The following CUBN variants were observed in gnomAD, a reference collection of about 807,000 sequenced individuals.
CUBN encodes cubilin.
A neutral mutation model predicts 405.3 loss-of-function variants in CUBN; 282 were observed. The ratio of observed to expected loss-of-function variants is 0.70; its 90% CI spans 0.63 to 0.77. The LOEUF (loss-of-function observed/expected upper bound fraction) is 0.77, where lower values mean the gene tolerates loss of function less well. Among genes scored for constraint, CUBN ranks in the 30% least tolerant of loss-of-function variants. CUBN has a pLI of 0.00. For missense variants in CUBN, 4,514 were observed against 4,475.2 expected, an observed-to-expected ratio of 1.01 and a Z score of -0.25; for synonymous variants, 1,684 against 1,617.0, an observed-to-expected ratio of 1.04 and a Z score of -0.99.
At chr10:16,932,995 A>C in intron 40 of CUBN, 92 bp downstream of exon 40, 1 of 1,338,664 alleles carries the variant, frequency 7.5e-7, no homozygotes, top group Middle Eastern at 1.9e-4. Flanking sequence ...TCCAAACCAA[A>C]CGGATGGAGG....
At chr10:17,084,510 G>A in intron 16 of CUBN, 49 bp from the exon 17 acceptor site, 2 of 1,535,350 alleles carry the variant, frequency 1.3e-6, no homozygotes, top group Non-Finnish European at 1.8e-6. Flanking sequence ...CATTGCTCTG[G>A]CTTGCAGGCA....
chr10:16,850,816 A>T (rs1201713334), intron 60 of CUBN, among the ~76,000 whole-genome samples: 1 of 152,188 alleles, frequency 6.6e-6, no homozygotes, highest in Non-Finnish European at 1.5e-5. Flanking sequence ...TTAATATCTA[A>T]ACATAATGTG....
In CUBN at chr10:16,901,852, C is replaced by CA. The variant is rs966831688; in HGVS notation, c.8063-394dup. ...AGGGTGACAGAACAAGACTCTATCT[C>CA]AAAAAAAAACCATATTATATATATA... On this transcript the variant is annotated intron_variant, in intron 51 of 66. Coordinates refer to ENST00000377833, the MANE Select transcript of CUBN (RefSeq NM_001081.4). 3.0e-4 allele frequency among the ~76,000 whole-genome samples: 39 copies of CA among 128,766 alleles called. No homozygotes were observed. The East Asian group carries it at 6.9e-3, about 23-fold the overall frequency. The allele number at this position is 128,766 out of a possible 152,430, so 84.5% of individuals were successfully genotyped here.
intron 40 of CUBN, among the ~76,000 whole-genome samples, chr10:16,930,415 G>C (rs1256759058): frequency 6.6e-6 from 1 of 152,216 alleles, no homozygotes; most frequent in Non-Finnish European, 1.5e-5. Context: ...CAAGGGCATA[G>C]AGATAGAAGT....
intron 19 of CUBN, among the ~76,000 whole-genome samples, chr10:17,069,487 C>A (rs1250816657): frequency 6.6e-6 from 1 of 152,078 alleles, no homozygotes; most frequent in East Asian, 1.9e-4. Context: ...CATCCTTGTC[C>A]ACACCATTAT....
At chr10:16,856,991 TATA>T (rs1564388704) in intron 59 of CUBN, among the ~76,000 whole-genome samples, 1 of 152,226 alleles carries the variant, frequency 6.6e-6, no homozygotes, top group East Asian at 1.9e-4. Context: ...TACTGTAATT[TATA>T]AAGCTGCAGA....
intron 6 of CUBN, among the ~76,000 whole-genome samples, chr10:17,116,037 T>G (rs571136745): frequency 1.3e-5 from 2 of 152,334 alleles, no homozygotes; most frequent in East Asian, 3.9e-4. Flanking sequence ...TAGGATTATA[T>G]AACCCCACAC....
Position 16,831,248 on chromosome 10 carries a change from T to TG in CUBN, c.10528+3_10528+4insC. 6.2e-7 allele frequency: 1 copy of TG among 1,613,936 alleles called. No individual in the cohort carries two copies. Among genetic ancestry groups the TG allele is most frequent in the Non-Finnish European group, 8.5e-7 (1 of 1,179,796 alleles). On this transcript the variant is annotated splice_donor_region_variant and intron_variant, in intron 65 of 66. Transcript: ENST00000377833. Reference sequence around the variant, plus strand: ...CTTTCCTGTACAAAGTGCAAATGTCTTACCAGAGGGTGATGAAGTCCAGAT... The same window carrying TG: ...CTTTCCTGTACAAAGTGCAAATGTCTGTACCAGAGGGTGATGAAGTCCAGAT...
At chr10:16,966,107 G>C (rs1843384175) in intron 31 of CUBN, 1 of 415,596 alleles carries the variant, frequency 2.4e-6, no homozygotes, top group Non-Finnish European at 4.9e-6. Flanking sequence ...AATAGGGTGG[G>C]AGTCCCCCAT....
chr10:17,102,595 CTTTTTTTT>C (rs11357524), intron 13 of CUBN, among the ~76,000 whole-genome samples: 35 of 63,144 alleles, frequency 5.5e-4, no homozygotes, highest in African/African-American at 1.9e-3. Context: ...CCTTGTTACT[CTTTTTTTT>C]TTTTTTTTTT....
At chr10:16,928,935 G>C (rs1043358475) in intron 40 of CUBN, among the ~76,000 whole-genome samples, 4 of 151,704 alleles carry the variant, frequency 2.6e-5, no homozygotes, top group African/African-American at 9.7e-5. Flanking sequence ...ACCCAGTGAT[G>C]ATATGTCTGT....
intron 27 of CUBN, 142 bp from the exon 28 acceptor site, chr10:17,020,125 T>A: frequency 1.2e-6 from 1 of 813,028 alleles, no homozygotes; most frequent in Non-Finnish European, 2.1e-6. Flanking sequence ...TACACAGAAC[T>A]CAACATAAGA....
At chr10:17,122,452 C>A (rs1837064721) in intron 6 of CUBN, 12 of 392,378 alleles carry the variant, frequency 3.1e-5, no homozygotes, top group South Asian at 2.5e-4. Context: ...CTACTTAAGG[C>A]CATTCAGTGG....
Position 16,953,173 on chromosome 10 carries a change from G to GGGGTAA in CUBN, c.4856-790_4856-785dup, listed in dbSNP as rs373917346. Among the ~76,000 whole-genome samples the GGGGTAA allele has an allele frequency of 6.2e-3, 942 of 152,282 alleles. 14 individuals carry two copies. The highest frequency in any genetic ancestry group is 0.022 in the African/African-American group (900 of 41,554). On this transcript the variant is annotated intron_variant, in intron 32 of 66. Coordinates refer to ENST00000377833, the MANE Select transcript of CUBN (RefSeq NM_001081.4). ...TTTACAGGCGACTTTGGAGAGAGAT[G>GGGGTAA]GGGTAAGGGTAGGTGACTTTCAGGA...
At chr10:17,113,083 T>G (rs1429406623) in intron 8 of CUBN, among the ~76,000 whole-genome samples, 1 of 152,072 alleles carries the variant, frequency 6.6e-6, no homozygotes, top group African/African-American at 2.4e-5. Flanking sequence ...CTGGCCAACA[T>G]GGCAAACCCC....
chr10:16,947,883 T>C (rs970705061), intron 35 of CUBN, among the ~76,000 whole-genome samples: 1 of 152,090 alleles, frequency 6.6e-6, no homozygotes, highest in Non-Finnish European at 1.5e-5. Flanking sequence ...GTTCCTCTCC[T>C]CCCCAGGTTA....
At chr10:16,910,027 T>C (rs897579150) in intron 48 of CUBN, among the ~76,000 whole-genome samples, 1 of 152,208 alleles carries the variant, frequency 6.6e-6, no homozygotes, top group African/African-American at 2.4e-5. Context: ...GCAGATCTTC[T>C]TTCTTCTTCA....
At chr10:16,837,296 A>C (rs1023787127) in intron 62 of CUBN, among the ~76,000 whole-genome samples, 3 of 147,868 alleles carry the variant, frequency 2.0e-5, no homozygotes, top group Non-Finnish European at 4.5e-5. Flanking sequence ...TTGAGTGGGA[A>C]GGGTGGGGGG....
At chr10:17,126,254 T>A (rs746581957) in intron 4 of CUBN, among the ~76,000 whole-genome samples, 1 of 152,220 alleles carries the variant, frequency 6.6e-6, no homozygotes, top group Admixed American at 6.5e-5. Context: ...TAAGTTTACA[T>A]AGATCAGTCT....
Sources: allele counts gnomAD v4.1 joint callset (sites outside exome capture counted in the v4.1 genomes callset), GRCh38; gene constraint gnomAD v4.1.1; transcripts MANE v1.5; gene names NCBI Gene and HGNC (gene_info 2026-07-23, HGNC 2026-07-21).